RNF169: variants seen among roughly 807,000 people sequenced by gnomAD.
The protein encoded by RNF169 is E3 ubiquitin-protein ligase RNF169.
Under a neutral mutation model 53.9 loss-of-function variants are expected in RNF169, and 24 were observed. That is an observed-to-expected ratio of 0.45 (90% CI 0.32 to 0.63). The LOEUF is 0.63. RNF169 is among the 20% of genes least tolerant of loss of function. The probability of loss-of-function intolerance (pLI) is 0.04; values close to 1 mark genes in which losing one functional copy is unlikely to be tolerated. For synonymous variants in RNF169, 396 were observed against 363.5 expected (o/e 1.09, Z -1.02); for missense variants, 883 against 906.2 (o/e 0.97, Z 0.33).
intron 3 of RNF169, among the ~76,000 whole-genome samples, chr11:74,812,707 T>G (rs1376734828): frequency 1.3e-5 from 2 of 152,178 alleles, no homozygotes; most frequent in Non-Finnish European, 2.9e-5. Flanking sequence ...ACATTCAAAT[T>G]GAGACCCAAA....
chr11:74,806,225 A>G (rs796222130), intron 2 of RNF169, among the ~76,000 whole-genome samples: 1 of 152,224 alleles, frequency 6.6e-6, no homozygotes, highest in South Asian at 2.1e-4. Flanking sequence ...CATAATAAAC[A>G]TGTGAAGCTG....
intron 1 of RNF169, among the ~76,000 whole-genome samples, chr11:74,762,442 CT>C (rs1369150821): frequency 6.6e-6 from 1 of 152,170 alleles, no homozygotes; most frequent in African/African-American, 2.4e-5. Flanking sequence ...GTTTTATCTA[CT>C]TTTGGTCTTT....
At chr11:74,830,340 A>G (rs1404437764) in intron 4 of RNF169, among the ~76,000 whole-genome samples, 4 of 152,134 alleles carry the variant, frequency 2.6e-5, no homozygotes, top group Admixed American at 2.6e-4. Flanking sequence ...AAAAATGATG[A>G]CATTACTGTT....
chr11:74,815,962 A>G (rs2035936988), intron 3 of RNF169, among the ~76,000 whole-genome samples: 1 of 152,200 alleles, frequency 6.6e-6, no homozygotes, highest in Non-Finnish European at 1.5e-5. Flanking sequence ...AAATTTGATA[A>G]TGGGTTGGTG....
chr11:74,830,441 A>T (rs1188390497), intron 4 of RNF169: 1 of 152,158 alleles, frequency 6.6e-6, no homozygotes, highest in East Asian at 1.9e-4. Flanking sequence ...ACCAGTTCCT[A>T]GAGTGAATGT....
At chr11:74,799,901 A>C (rs2035705793) in intron 2 of RNF169, among the ~76,000 whole-genome samples, 2 of 151,458 alleles carry the variant, frequency 1.3e-5, no homozygotes, top group South Asian at 4.2e-4. Context: ...ATTTAAGCTT[A>C]AGACTTTTTA....
intron 2 of RNF169, among the ~76,000 whole-genome samples, chr11:74,804,665 A>G (rs2035779998): frequency 6.6e-6 from 1 of 152,158 alleles, no homozygotes; most frequent in African/African-American, 2.4e-5. Context: ...TTTATTTAGA[A>G]GTTTGGTGTT....
At chr11:74,758,896 G>T (rs1436709422) in intron 1 of RNF169, among the ~76,000 whole-genome samples, 1 of 148,390 alleles carries the variant, frequency 6.7e-6, no homozygotes, top group East Asian at 2.0e-4. Flanking sequence ...AAATTACCTT[G>T]GGCAGTATGG....
In RNF169 at chr11:74,834,667, C is replaced by T. The variant is rs1555001108; in HGVS notation, c.843-9C>T. ...TTTGACTACTCGTTTTTTATTTATT[C>T]TTTTTTAGGAAGCTAAACTCCAAGG... is the stretch of plus-strand genomic sequence containing the variant. On this transcript the variant is annotated splice_polypyrimidine_tract_variant and intron_variant, in intron 4 of 5. Transcript: ENST00000299563. 6.3e-7 allele frequency: 1 copy of T among 1,597,452 alleles called. No individual in the cohort carries two copies. Among genetic ancestry groups the T allele is most frequent in the Admixed American group, 1.8e-5 (1 of 56,502 alleles).
In RNF169 at chr11:74,837,591, C is replaced by T. The variant is rs1326789468; in HGVS notation, c.*861C>T. ...GTGGATAAACATATATGTGCATTAT[C>T]CCCATCCCCCACAGTTTAGAGCCTT... is the stretch of plus-strand genomic sequence containing the variant. On this transcript the variant is annotated 3_prime_UTR_variant, in exon 6 of 6. Coordinates refer to ENST00000299563, the MANE Select transcript of RNF169 (RefSeq NM_001098638.2). 1.3e-5 allele frequency: 2 copies of T among 152,212 alleles called. No individual in the cohort carries two copies. The highest frequency in any genetic ancestry group is 2.4e-5 in the African/African-American group (1 of 41,466). 9.4% of individuals were successfully genotyped at this position (152,212 alleles called of 1,614,324 possible).
rs1353740116 is a variant in RNF169, at chr11:74,836,738, T to C, written c.*8T>C. ...ATGGCCGGGGCCAAGTAGCACCTAATGAAGTGTTACCTATTTTTAAAAGGT... is the reference window on the plus strand; with the variant it reads ...ATGGCCGGGGCCAAGTAGCACCTAACGAAGTGTTACCTATTTTTAAAAGGT... On this transcript the variant is annotated 3_prime_UTR_variant, in exon 6 of 6. Transcript: ENST00000299563. 6.3e-7 allele frequency: 1 copy of C among 1,590,224 alleles called. No individual in the cohort carries two copies.
At chr11:74,833,349 T>C (rs530560785) in intron 4 of RNF169, among the ~76,000 whole-genome samples, 9 of 152,348 alleles carry the variant, frequency 5.9e-5, no homozygotes, top group African/African-American at 1.9e-4. Flanking sequence ...TGCGTTCCAT[T>C]CCAAAGCTAA....
At chr11:74,831,657 G>C (rs767588436) in intron 4 of RNF169, 2 of 140,926 alleles carry the variant, frequency 1.4e-5, no homozygotes, top group African/African-American at 2.7e-5. Flanking sequence ...ACACATATAT[G>C]AATTTTCAGA....
chr11:74,770,672 A>G lies in RNF169; in HGVS notation c.503-18954A>G, dbSNP rs186090459. Among the ~76,000 whole-genome samples the G allele has an allele frequency of 3.7e-4, 56 of 152,332 alleles. No individual in the cohort carries two copies. The East Asian group carries it at 0.01, about 28-fold the overall frequency. ...CTCTTGGCTAGTGTGTTTTCATTAG[A>G]TAAATGACTAGGAAGAACAGAATTC... On this transcript the variant is annotated intron_variant, in intron 1 of 5. Coordinates refer to ENST00000299563, the MANE Select transcript of RNF169 (RefSeq NM_001098638.2).
intron 3 of RNF169, among the ~76,000 whole-genome samples, chr11:74,813,725 G>T (rs548195255): frequency 2.0e-5 from 3 of 152,180 alleles, no homozygotes; most frequent in African/African-American, 7.2e-5. Flanking sequence ...GTCTCGCTCT[G>T]TCGCCAGGCT....
At chr11:74,816,232 C>T (rs1036134186) in intron 3 of RNF169, among the ~76,000 whole-genome samples, 2 of 152,196 alleles carry the variant, frequency 1.3e-5, no homozygotes, top group African/African-American at 4.8e-5. Flanking sequence ...ATCATTTGAT[C>T]ATTAGATAAT....
intron 1 of RNF169, among the ~76,000 whole-genome samples, chr11:74,768,992 A>G (rs762972576): frequency 1.3e-5 from 2 of 152,108 alleles, no homozygotes; most frequent in Non-Finnish European, 2.9e-5. Context: ...GGCTGCAGTG[A>G]GTGCTCTAGC....
At chr11:74,830,546 TAAAAAA>T (rs55826607) in intron 4 of RNF169, 1 of 147,736 alleles carries the variant, frequency 6.8e-6, no homozygotes, top group African/African-American at 2.5e-5. Context: ...GAACCCATAA[TAAAAAA>T]AAAAAAATCC....
intron 1 of RNF169, among the ~76,000 whole-genome samples, chr11:74,772,280 T>C (rs1332151214): frequency 1.3e-5 from 2 of 152,220 alleles, no homozygotes; most frequent in Non-Finnish European, 2.9e-5. Flanking sequence ...CTGCCACCTT[T>C]GTCTCATTGA....
Sources: gnomAD v4.1 joint callset for allele counts (sites outside exome capture counted in the v4.1 genomes callset) on GRCh38, gnomAD v4.1.1 for gene constraint, MANE v1.5 for transcripts, NCBI Gene and HGNC (gene_info 2026-07-23, HGNC 2026-07-21) for gene names.